The following TSHZ2 variants were observed in gnomAD, a reference collection of about 807,000 sequenced individuals.
TSHZ2 encodes the protein teashirt homolog 2.
A neutral mutation model predicts 74.4 loss-of-function variants in TSHZ2; 21 were observed. The observed-to-expected ratio is 0.28, with a 90% CI of 0.20 to 0.41. The LOEUF (loss-of-function observed/expected upper bound fraction) is 0.41, where lower values mean the gene tolerates loss of function less well. TSHZ2 is among the 10% of genes least tolerant of loss of function. TSHZ2 has a pLI of 1.00. For synonymous variants in TSHZ2, 540 were observed against 515.3 expected (o/e 1.05, Z -0.65); for missense variants, 1,244 against 1,293.5 (o/e 0.96, Z 0.59).
At chr20:53,192,985 A>G (rs1219038919) in intron 1 of TSHZ2, among the ~76,000 whole-genome samples, 1 of 152,154 alleles carries the variant, frequency 6.6e-6, no homozygotes, top group Non-Finnish European at 1.5e-5. Context: ...CCATGGGCAG[A>G]GCGGCTGTGC....
At chr20:53,098,288 C>G (rs1338509333) in intron 1 of TSHZ2, among the ~76,000 whole-genome samples, 3 of 152,140 alleles carry the variant, frequency 2.0e-5, no homozygotes, top group African/African-American at 7.2e-5. Flanking sequence ...GTTTATTCAT[C>G]TTGAGATAAA....
Position 53,069,660 on chromosome 20 carries a change from G to C in TSHZ2, c.40+96327G>C, listed in dbSNP as rs1039820407. 2.1e-3 allele frequency among the ~76,000 whole-genome samples: 205 copies of C among 96,774 alleles called. 1 individual carries two copies. Among genetic ancestry groups the C allele is most frequent in the African/African-American group, 8.9e-3 (199 of 22,454 alleles). The allele number at this position is 96,774 out of a possible 152,430, so 63.5% of individuals were successfully genotyped here. A position where few individuals can be genotyped will look rare whatever the true frequency, so the allele number is the denominator to read the frequency against. On this transcript the variant is annotated intron_variant, in intron 1 of 2. Coordinates refer to ENST00000371497, the MANE Select transcript of TSHZ2 (RefSeq NM_173485.6). ...CTGCCTAGCAAAAGGTCAATGCTTT[G>C]ATACACACACACACACACACACACA... is the stretch of plus-strand genomic sequence containing the variant.
intron 1 of TSHZ2, among the ~76,000 whole-genome samples, chr20:52,995,312 C>G (rs2122934530): frequency 6.6e-6 from 1 of 152,204 alleles, no homozygotes; most frequent in East Asian, 1.9e-4. Context: ...CATCGTCCAT[C>G]TGGCTTAGCC....
In TSHZ2 at chr20:53,187,363, C is replaced by T. The variant is rs199766489; in HGVS notation, c.41-66136C>T. On this transcript the variant is annotated intron_variant, in intron 1 of 2. Transcript: ENST00000371497. The stretch of plus-strand genomic sequence containing the variant: ...CCATTTGTCATTTCTGATATAATAT[C>T]GTGTTATCGTTTAAAGCTGTAATGG... Among the ~76,000 whole-genome samples, 26 of 152,152 alleles carry T rather than the reference C, an allele frequency of 1.7e-4. No homozygotes were observed. In the East Asian group the frequency reaches 4.2e-3, roughly 25 times the overall value.
intron 1 of TSHZ2, among the ~76,000 whole-genome samples, chr20:53,020,198 C>T (rs1233321158): frequency 3.9e-5 from 6 of 152,166 alleles, no homozygotes; most frequent in African/African-American, 4.8e-5. Context: ...GAATGAGATT[C>T]GGGTGGGGAC....
intron 1 of TSHZ2, among the ~76,000 whole-genome samples, chr20:53,058,242 C>T (rs1429009645): frequency 1.3e-5 from 2 of 152,150 alleles, no homozygotes; most frequent in Non-Finnish European, 2.9e-5. Context: ...CAGTCTCGTA[C>T]TGGTATGGGT....
At chr20:53,305,945 T>C (rs1978522160) in intron 2 of TSHZ2, among the ~76,000 whole-genome samples, 1 of 145,982 alleles carries the variant, frequency 6.9e-6, no homozygotes, top group Admixed American at 7.0e-5. Context: ...GCCACTACAC[T>C]CCGGCCTGGG....
chr20:53,346,026 A>G (rs1172664535), intron 2 of TSHZ2, among the ~76,000 whole-genome samples: 1 of 152,196 alleles, frequency 6.6e-6, no homozygotes, highest in African/African-American at 2.4e-5. Context: ...AATCCTTTGC[A>G]GAAAAAGTCA....
chr20:53,184,734 A>C (rs1289893238), intron 1 of TSHZ2, among the ~76,000 whole-genome samples: 1 of 152,088 alleles, frequency 6.6e-6, no homozygotes, highest in Non-Finnish European at 1.5e-5. Context: ...TTTGAGACAG[A>C]ATCTCACTCT....
chr20:53,190,511 G>A lies in TSHZ2; in HGVS notation c.41-62988G>A, dbSNP rs546535142. On this transcript the variant is annotated intron_variant, in intron 1 of 2. Transcript: ENST00000371497. ...GCCCCAATCCGTGTGCAGAGGTGCC[G>A]TTTTCAACAAAGAAATCCTGCCATT... Among the ~76,000 whole-genome samples the A allele has an allele frequency of 2.6e-5, 4 of 152,058 alleles. No individual in the cohort carries two copies. The East Asian group carries it at 5.8e-4, about 22-fold the overall frequency.
At chr20:53,080,559 T>A (rs1011042671) in intron 1 of TSHZ2, among the ~76,000 whole-genome samples, 3 of 152,142 alleles carry the variant, frequency 2.0e-5, no homozygotes, top group Non-Finnish European at 4.4e-5. Context: ...GATGAAAGTC[T>A]TTCACCTCGG....
At chr20:52,975,643 AC>A (rs1195144880) in intron 1 of TSHZ2, among the ~76,000 whole-genome samples, 1 of 151,730 alleles carries the variant, frequency 6.6e-6, no homozygotes, top group Non-Finnish European at 1.5e-5. Flanking sequence ...AGAAGCGGAA[AC>A]CCTTTTTAAG....
chr20:53,461,386 C>T (rs1252148512), intron 2 of TSHZ2: 2 of 154,064 alleles, frequency 1.3e-5, no homozygotes, highest in African/African-American at 4.8e-5. Flanking sequence ...CAATGCCTCG[C>T]CCTGCTTTGG....
At chr20:53,351,445 A>G (rs551873440) in intron 2 of TSHZ2, among the ~76,000 whole-genome samples, 2 of 152,346 alleles carry the variant, frequency 1.3e-5, no homozygotes, top group East Asian at 1.9e-4. Context: ...TTTTTAACGA[A>G]TGGATTATGA....
At chr20:53,115,788 C>A (rs528408504) in intron 1 of TSHZ2, among the ~76,000 whole-genome samples, 1 of 152,082 alleles carries the variant, frequency 6.6e-6, no homozygotes, top group African/African-American at 2.4e-5. Flanking sequence ...GGCAGGTGAG[C>A]AGTTGCAAAG....
intron 2 of TSHZ2, among the ~76,000 whole-genome samples, chr20:53,305,512 T>C (rs563616619): frequency 7.0e-4 from 107 of 152,274 alleles, no homozygotes; most frequent in African/African-American, 2.5e-3. Flanking sequence ...ACTGGACTTA[T>C]AAAAAACGCT....
At chr20:53,414,482 G>A (rs138150822) in intron 2 of TSHZ2, among the ~76,000 whole-genome samples, 5 of 152,016 alleles carry the variant, frequency 3.3e-5, no homozygotes, top group African/African-American at 7.2e-5. Context: ...TTAGCCAGGC[G>A]TGGTGGCACA....
rs1441733509 is a variant in TSHZ2, at chr20:53,492,662, A to G, written c.*5527A>G. On this transcript the variant is annotated 3_prime_UTR_variant, in exon 3 of 3. Coordinates refer to ENST00000371497, the MANE Select transcript of TSHZ2 (RefSeq NM_173485.6). ...CAAGAAGCTAGGTGATCATACAGTC[A>G]TTTCAATGGCCAACCAGTTCTTGCT... is the stretch of plus-strand genomic sequence containing the variant. 1 of 152,228 alleles carries G rather than the reference A, an allele frequency of 6.6e-6. No homozygotes were observed. Among genetic ancestry groups the G allele is most frequent in the Non-Finnish European group, 1.5e-5 (1 of 68,050 alleles). 9.4% of individuals were successfully genotyped at this position (152,228 alleles called of 1,614,324 possible). A position where few individuals can be genotyped will look rare whatever the true frequency, so the allele number is the denominator to read the frequency against.
chr20:53,046,544 C>T (rs1043933427), intron 1 of TSHZ2, among the ~76,000 whole-genome samples: 6 of 152,108 alleles, frequency 3.9e-5, no homozygotes, highest in East Asian at 1.9e-4. Context: ...TAGAAGTCTG[C>T]GGTGAATGCA....
Sources: allele counts gnomAD v4.1 joint callset (sites outside exome capture counted in the v4.1 genomes callset), GRCh38; gene constraint gnomAD v4.1.1; transcripts MANE v1.5; gene names NCBI Gene and HGNC (gene_info 2026-07-23, HGNC 2026-07-21).